Variants in TSR2 observed in about 807,000 individuals in gnomAD.
TSR2 encodes TSR2 ribosome maturation factor, also known as pre-rRNA-processing protein TSR2 homolog.
Under a neutral mutation model 13.3 loss-of-function variants are expected in TSR2, and 1 was observed. The observed-to-expected ratio is 0.08, with a 90% CI of 0.03 to 0.36. TSR2 has a LOEUF of 0.36. TSR2 is among the 10% of genes least tolerant of loss of function. TSR2 has a pLI of 0.99. For missense variants in TSR2, 120 were observed against 151.1 expected, an observed-to-expected ratio of 0.79 and a Z score of 1.08; for synonymous variants, 60 against 57.7, an observed-to-expected ratio of 1.04 and a Z score of -0.18.
chrX:54,441,186 A>G (rs1020272043), intron 2 of TSR2, among the ~76,000 whole-genome samples: 1 of 112,595 alleles, frequency 8.9e-6, no homozygotes, highest in African/African-American at 3.2e-5. Context: ...TGTAGTCAGT[A>G]TAAAACATTG....
rs1922218428 is a variant in TSR2, at chrX:54,446,984, A to C, written c.*2434A>C. ...GGTGAGCCACCTGCCTCGGCCTCTCAGAGTGCTGGGATTACAGGCGTGAGC... is the reference window on the plus strand; with the variant it reads ...GGTGAGCCACCTGCCTCGGCCTCTCCGAGTGCTGGGATTACAGGCGTGAGC... On this transcript the variant is annotated 3_prime_UTR_variant, in exon 5 of 5. Transcript: ENST00000375151. Among the ~76,000 whole-genome samples the C allele has an allele frequency of 9.0e-6, 1 of 111,019 alleles. No individual in the cohort carries two copies. The highest frequency in any genetic ancestry group is 3.3e-5 in the African/African-American group (1 of 30,514).
Position 54,446,533 on chromosome X carries a change from T to A in TSR2, c.*1983T>A. 1 of 627,367 alleles carries A rather than the reference T, an allele frequency of 1.6e-6. No individual in the cohort carries two copies. The highest frequency in any genetic ancestry group is 2.4e-6 in the Non-Finnish European group (1 of 409,037). The allele number at this position is 627,367 out of a possible 1,213,427, so 51.7% of individuals were successfully genotyped here. On this transcript the variant is annotated 3_prime_UTR_variant, in exon 5 of 5. Coordinates refer to ENST00000375151, the MANE Select transcript of TSR2 (RefSeq NM_058163.3). ...GTCCCCTACTCAGGAACTCCCCTAC[T>A]CAGGAACCTTCCGTGGCTCCAGTGT...
rs1601945446 is a variant in TSR2, at chrX:54,444,688, C to T, written c.*138C>T. The T allele has an allele frequency of 1.4e-5, 9 of 633,067 alleles. No individual in the cohort carries two copies. The East Asian group carries it at 2.6e-4, about 18-fold the overall frequency. 52.2% of individuals were successfully genotyped at this position (633,067 alleles called of 1,213,427 possible). A position where few individuals can be genotyped will look rare whatever the true frequency, so the allele number is the denominator to read the frequency against. On this transcript the variant is annotated 3_prime_UTR_variant, in exon 5 of 5. Coordinates refer to ENST00000375151, the MANE Select transcript of TSR2 (RefSeq NM_058163.3). ...CTCTCCCCTGTTCCTCTGTCTGGCT[C>T]CCTCCAGGGCAAGGAAAACCTAGGG...
chrX:54,441,445 G>T lies in TSR2; in HGVS notation c.172+665G>T, dbSNP rs187018108. 5.0e-4 allele frequency among the ~76,000 whole-genome samples: 56 copies of T among 111,771 alleles called. 1 individual carries two copies. Among genetic ancestry groups the T allele is most frequent in the African/African-American group, 1.8e-3 (56 of 30,787 alleles). On this transcript the variant is annotated intron_variant, in intron 2 of 4. Transcript: ENST00000375151. ...TTTCTAGCTTTGGAGATGACATTAG[G>T]CAGAGTCATCTCTCTCAAGAAAGTA... is the stretch of plus-strand genomic sequence containing the variant.
chrX:54,447,305 G>C lies in TSR2; in HGVS notation c.*2755G>C, dbSNP rs778982543. 1 of 1,211,539 alleles carries C rather than the reference G, an allele frequency of 8.3e-7. No homozygotes were observed. The highest frequency in any genetic ancestry group is 2.2e-5 in the Admixed American group (1 of 46,072). On this transcript the variant is annotated 3_prime_UTR_variant, in exon 5 of 5. Coordinates refer to ENST00000375151, the MANE Select transcript of TSR2 (RefSeq NM_058163.3). ...CTGAAAGGACCCGAAGGAGTAGGATGCATACCTGAGGGGCTCCGTAGATAT... is the reference window on the plus strand; with the variant it reads ...CTGAAAGGACCCGAAGGAGTAGGATCCATACCTGAGGGGCTCCGTAGATAT...
Position 54,446,427 on chromosome X carries a change from G to A in TSR2, c.*1877G>A. On this transcript the variant is annotated 3_prime_UTR_variant, in exon 5 of 5. Coordinates refer to ENST00000375151, the MANE Select transcript of TSR2 (RefSeq NM_058163.3). ...GGGCTTTCACATCCTGGCGGGAGGA[G>A]GGACAGAGCTGGGGCCACCTTGGGG... 8.3e-7 allele frequency: 1 copy of A among 1,204,414 alleles called. No homozygotes were observed. The highest frequency in any genetic ancestry group is 1.1e-6 in the Non-Finnish European group (1 of 891,242).
chrX:54,442,299 G>A (rs1053638382), intron 2 of TSR2, among the ~76,000 whole-genome samples: 1 of 111,253 alleles, frequency 9.0e-6, no homozygotes, highest in African/African-American at 3.3e-5. Context: ...GGTGGAATAG[G>A]GCCTTGGAGA....
rs773314419 is a variant in TSR2, at chrX:54,444,589, T to A, written c.*39T>A. ...GAAATGGCTTTGGGCCCTTATTTGC[T>A]GTTCTAAGAGTTGTCTGTAGGGGTT... On this transcript the variant is annotated 3_prime_UTR_variant, in exon 5 of 5. Coordinates refer to ENST00000375151, the MANE Select transcript of TSR2 (RefSeq NM_058163.3). 1 of 1,196,052 alleles carries A rather than the reference T, an allele frequency of 8.4e-7. No homozygotes were observed. Among genetic ancestry groups the A allele is most frequent in the African/African-American group, 1.8e-5 (1 of 56,847 alleles).
rs1270971268 is a variant in TSR2, at chrX:54,443,627, T to G, written c.264+136T>G. On this transcript the variant is annotated intron_variant, in intron 3 of 4. Transcript: ENST00000375151. ...AAGTGTAGCCTTTCCAAACCCTGCC[T>G]TTTCTTTATTTCTATACATCATTCC... 24 of 477,056 alleles carry G rather than the reference T, an allele frequency of 5.0e-5. No individual in the cohort carries two copies. The South Asian group carries it at 8.5e-4, about 17-fold the overall frequency. 39.3% of individuals were successfully genotyped at this position (477,056 alleles called of 1,213,427 possible).
At position 54,444,096 on chromosome X, in the gene TSR2, G is replaced by A. The variant is rs757747531; in HGVS notation, c.353G>A (p.Arg118Lys). 3 of 1,211,958 alleles carry A rather than the reference G, an allele frequency of 2.5e-6. No homozygotes were observed. In the East Asian group the frequency reaches 8.9e-5, roughly 36 times the overall value. Residue 118 changes from arginine to lysine, a missense_variant, in exon 4 of 5, where the codon AGA becomes AAA. Transcript: ENST00000375151. ...LREMASCITQ[R>K]KCKVTATALK... ...GAGATGGCCTCCTGCATCACTCAGAGAAAATGCAAGGTCACAGCCACTGCA... is the reference window on the plus strand; with the variant it reads ...GAGATGGCCTCCTGCATCACTCAGAAAAAATGCAAGGTCACAGCCACTGCA...
Position 54,444,636 on chromosome X carries a change from C to A in TSR2, c.*86C>A. On this transcript the variant is annotated 3_prime_UTR_variant, in exon 5 of 5. Transcript: ENST00000375151. ...GGTTTTTTTTTTGAGGATTGCAGACCTGTGGACTGGTTACCCCATCTCCAC... is the reference window on the plus strand; with the variant it reads ...GGTTTTTTTTTTGAGGATTGCAGACATGTGGACTGGTTACCCCATCTCCAC... 1 of 973,842 alleles carries A rather than the reference C, an allele frequency of 1.0e-6. No individual in the cohort carries two copies. The highest frequency in any genetic ancestry group is 2.6e-5 in the South Asian group (1 of 37,941). 80.3% of individuals were successfully genotyped at this position (973,842 alleles called of 1,213,427 possible).
At position 54,440,589 on chromosome X, in the gene TSR2, T is replaced by G. The variant is rs768244396; in HGVS notation, c.81+87T>G. 50 of 1,124,912 alleles carry G rather than the reference T, an allele frequency of 4.4e-5. No homozygotes were observed. In the African/African-American group the frequency reaches 8.1e-4, roughly 18 times the overall value. The allele number at this position is 1,124,912 out of a possible 1,213,427, so 92.7% of individuals were successfully genotyped here. ...TTGGGCTAGGTGCCTGAGGCTTGGC[T>G]AGGCGGCATAAGAGGAGTTGGCTGG... On this transcript the variant is annotated intron_variant, in intron 1 of 4. Transcript: ENST00000375151.
Position 54,444,022 on chromosome X carries a change from G to A in TSR2, c.279G>A (p.Leu93=). ...TTTCTTGGTAGGTGAGCCAGCAACTGCAGACCATGTTCCACCACTTCCAGA... is the reference window on the plus strand; with the variant it reads ...TTTCTTGGTAGGTGAGCCAGCAACTACAGACCATGTTCCACCACTTCCAGA... ...DGSLPQVSQQ[L]QTMFHHFQRG... Residue 93 remains leucine, a synonymous_variant, in exon 4 of 5, where the codon CTG becomes CTA. Transcript: ENST00000375151. 1 of 1,210,295 alleles carries A rather than the reference G, an allele frequency of 8.3e-7. No individual in the cohort carries two copies. The highest frequency in any genetic ancestry group is 1.1e-6 in the Non-Finnish European group (1 of 894,767).
chrX:54,447,488 A>C lies in TSR2; in HGVS notation c.*2938A>C, dbSNP rs754735017. Reference sequence around the variant, plus strand: ...AGAGACACCGGGCATCAATGTTGACAGAAGGCCTAGCCTGGCTCCTCCTAG... The same window carrying C: ...AGAGACACCGGGCATCAATGTTGACCGAAGGCCTAGCCTGGCTCCTCCTAG... On this transcript the variant is annotated 3_prime_UTR_variant, in exon 5 of 5. Transcript: ENST00000375151. 2 of 1,197,195 alleles carry C rather than the reference A, an allele frequency of 1.7e-6. No homozygotes were observed. Among genetic ancestry groups the C allele is most frequent in the East Asian group, 6.0e-5 (2 of 33,480 alleles).
At position 54,447,547 on chromosome X, in the gene TSR2, C is replaced by T; in HGVS notation, c.*2997C>T. The T allele has an allele frequency of 4.2e-6, 4 of 953,349 alleles. No homozygotes were observed. The South Asian group carries it at 8.3e-5, about 20-fold the overall frequency. 78.6% of individuals were successfully genotyped at this position (953,349 alleles called of 1,213,427 possible). On this transcript the variant is annotated 3_prime_UTR_variant, in exon 5 of 5. Transcript: ENST00000375151. ...CCTCCTCAGTGTAGGGACTGCTATT[C>T]CTATCTCAGATGAAGACGCTCAAGC...
Position 54,446,509 on chromosome X carries a change from T to C in TSR2, c.*1959T>C. On this transcript the variant is annotated 3_prime_UTR_variant, in exon 5 of 5. Transcript: ENST00000375151. ...GGTTTTGCATATGCTCTGTCTTCAGTCCCCTACTCAGGAACTCCCCTACTC... is the reference window on the plus strand; with the variant it reads ...GGTTTTGCATATGCTCTGTCTTCAGCCCCCTACTCAGGAACTCCCCTACTC... 1.2e-6 allele frequency: 1 copy of C among 850,648 alleles called. No homozygotes were observed. Among genetic ancestry groups the C allele is most frequent in the Non-Finnish European group, 1.7e-6 (1 of 600,477 alleles). 70.1% of individuals were successfully genotyped at this position (850,648 alleles called of 1,213,427 possible). A position where few individuals can be genotyped will look rare whatever the true frequency, so the allele number is the denominator to read the frequency against.
At position 54,444,121 on chromosome X, in the gene TSR2, A is replaced by T. The variant is rs746197995; in HGVS notation, c.378A>T (p.Ala126=). The change falls in exon 4 of 5, where the codon GCA becomes GCT. Residue 126 remains alanine (A), a synonymous_variant. Coordinates refer to ENST00000375151, the MANE Select transcript of TSR2 (RefSeq NM_058163.3). The part of the protein sequence containing the change: ...TQRKCKVTAT[A]LKTARETDED... Reference sequence around the variant, plus strand: ...GAAAATGCAAGGTCACAGCCACTGCACTTAAGACAGCTAGAGAGACTGATG... The same window carrying T: ...GAAAATGCAAGGTCACAGCCACTGCTCTTAAGACAGCTAGAGAGACTGATG... 1 of 1,211,911 alleles carries T rather than the reference A, an allele frequency of 8.3e-7. No homozygotes were observed. Among genetic ancestry groups the T allele is most frequent in the Non-Finnish European group, 1.1e-6 (1 of 895,551 alleles).
rs1922161476 is a variant in TSR2 at position 54,446,173 on chromosome X, G to A, written c.*1623G>A. ...AGCAGTGGCTCCTAAAGCAGCCACC[G>A]GTGCCTCCTCCATCTCCCTGTCCTC... On this transcript the variant is annotated 3_prime_UTR_variant, in exon 5 of 5. Transcript: ENST00000375151. The A allele has an allele frequency of 1.7e-6, 2 of 1,209,392 alleles. No homozygotes were observed. Among genetic ancestry groups the A allele is most frequent in the South Asian group, 1.8e-5 (1 of 56,646 alleles).
Position 54,445,498 on chromosome X carries a change from AAAC to A in TSR2, c.*950_*952del, listed in dbSNP as rs1446306607. ...AACTGTATTTTTCTTAAAAAAAAAA[AAAC>A]ACACAAAAAAACACAAAAAACTGAG... On this transcript the variant is annotated 3_prime_UTR_variant, in exon 5 of 5. Transcript: ENST00000375151. 4.5e-5 allele frequency: 5 copies of A among 110,176 alleles called. No homozygotes were observed. Among genetic ancestry groups the A allele is most frequent in the African/African-American group, 1.0e-4 (3 of 29,974 alleles). The allele number at this position is 110,176 out of a possible 1,213,427, so 9.1% of individuals were successfully genotyped here.
Sources: gnomAD v4.1 joint callset for allele counts (sites outside exome capture counted in the v4.1 genomes callset) on GRCh38, gnomAD v4.1.1 for gene constraint, MANE v1.5 for transcripts, NCBI Gene and HGNC (gene_info 2026-07-23, HGNC 2026-07-21) for gene names.